FRMD4A: variants seen among roughly 807,000 people sequenced by gnomAD.
The protein encoded by FRMD4A is FERM domain containing 4A.
FRMD4A carries 29 observed loss-of-function variants against 129.1 expected under a neutral mutation model. The ratio of observed to expected loss-of-function variants is 0.22; its 90% confidence interval spans 0.17 to 0.31. The LOEUF is 0.31. Ranked by LOEUF, FRMD4A falls within the 10% of genes least tolerant of loss-of-function variation. The probability of loss-of-function intolerance (pLI) is 1.00; values close to 1 mark genes in which losing one functional copy is unlikely to be tolerated. For synonymous variants in FRMD4A, 634 were observed against 571.6 expected (o/e 1.11, Z -1.56); for missense variants, 1,272 against 1,375.8 (o/e 0.92, Z 1.19).
chr10:14,022,407 G>C (rs980914549), intron 2 of FRMD4A, among the ~76,000 whole-genome samples: 5 of 152,204 alleles, frequency 3.3e-5, no homozygotes, highest in African/African-American at 7.2e-5. Flanking sequence ...AATTATAAGA[G>C]ATAGGCTTAA....
At chr10:13,654,250 T>C in intron 23 of FRMD4A, 166 bp downstream of exon 23, 1 of 629,642 alleles carries the variant, frequency 1.6e-6, no homozygotes, top group South Asian at 1.9e-5. Context: ...GGAAAAGGAG[T>C]AGGCAGAGGT....
At chr10:13,718,312 C>G (rs984443091) in intron 12 of FRMD4A, among the ~76,000 whole-genome samples, 3 of 152,246 alleles carry the variant, frequency 2.0e-5, no homozygotes, top group African/African-American at 7.2e-5. Context: ...GGAGAAGGAA[C>G]GCTTGCGGTC....
Position 13,731,921 on chromosome 10 carries a change from C to G in FRMD4A, c.759+5923G>C, listed in dbSNP as rs184750312. Among the ~76,000 whole-genome samples the G allele has an allele frequency of 2.6e-3, 393 of 152,196 alleles. 1 individual carries two copies. The highest frequency in any genetic ancestry group is 4.1e-3 in the Non-Finnish European group (276 of 68,022). On this transcript the variant is annotated intron_variant, in intron 12 of 24. Transcript: ENST00000357447. ...AACTCTTCTGAACACGCACAAAAGC[C>G]AAAATCCAGTCTGCAGGGTGTCCCC... is the stretch of plus-strand genomic sequence containing the variant.
In FRMD4A at chr10:14,295,838, C is replaced by T. The variant is rs763136700; in HGVS notation, c.45+34220G>A. Among the ~76,000 whole-genome samples, 4 of 152,056 alleles carry T rather than the reference C, an allele frequency of 2.6e-5. No individual in the cohort carries two copies. In the South Asian group the frequency reaches 8.3e-4, roughly 32 times the overall value. On this transcript the variant is annotated intron_variant, in intron 2 of 24. Coordinates refer to ENST00000357447, the MANE Select transcript of FRMD4A (RefSeq NM_018027.5). ...ATGTACATAAATTCAACGTAATAAG[C>T]CTTCAAAATAGAACTGCTAGGTTAT...
At chr10:13,956,925 A>G (rs1280601975) in intron 2 of FRMD4A, among the ~76,000 whole-genome samples, 2 of 152,214 alleles carry the variant, frequency 1.3e-5, no homozygotes, top group African/African-American at 4.8e-5. Context: ...GAGATTCACA[A>G]TAAGTTCCAC....
At chr10:14,222,638 C>A (rs1843299136) in intron 2 of FRMD4A, among the ~76,000 whole-genome samples, 1 of 152,200 alleles carries the variant, frequency 6.6e-6, no homozygotes, top group Non-Finnish European at 1.5e-5. Flanking sequence ...CCCCGTCCCA[C>A]TCAAATTGTG....
chr10:14,295,662 A>T (rs76604599), intron 2 of FRMD4A, among the ~76,000 whole-genome samples: 2,593 of 152,212 alleles, frequency 0.017, 60 homozygotes, highest in African/African-American at 0.059. Context: ...GCGCTTACAA[A>T]ATCCAGCTGC....
rs564420616 is a variant in FRMD4A, at chr10:13,943,998, A to T, written c.46-85086T>A. Among the ~76,000 whole-genome samples the T allele has an allele frequency of 2.0e-5, 3 of 152,308 alleles. No homozygotes were observed. In the South Asian group the frequency reaches 6.2e-4, roughly 32 times the overall value. ...TAAGGGCACTCGATATGTTCCTACC[A>T]TTCAGAGACAACAGAATTAAAGAGT... On this transcript the variant is annotated intron_variant, in intron 2 of 24. Transcript: ENST00000357447.
chr10:14,150,611 T>A (rs1046767071), intron 2 of FRMD4A, among the ~76,000 whole-genome samples: 1 of 152,200 alleles, frequency 6.6e-6, no homozygotes, highest in African/African-American at 2.4e-5. Context: ...GAGTATTTTC[T>A]TTATTAATTA....
At chr10:13,755,926 C>T (rs1053077208) in intron 8 of FRMD4A, 4 of 152,168 alleles carry the variant, frequency 2.6e-5, no homozygotes, top group African/African-American at 9.7e-5. Context: ...ACACAGGGTC[C>T]CTTCCATCGC....
intron 22 of FRMD4A, among the ~76,000 whole-genome samples, chr10:13,656,244 C>T (rs990945932): frequency 1.3e-5 from 2 of 152,348 alleles, no homozygotes; most frequent in East Asian, 3.9e-4. Flanking sequence ...CCTTTGCAAG[C>T]TACAGCTGTG....
rs144281384 is a variant in FRMD4A, at chr10:13,895,622, C to T, written c.46-36710G>A. On this transcript the variant is annotated intron_variant, in intron 2 of 24. Transcript: ENST00000357447. ...ATTTGAAATACTAACAGAAATAGGT[C>T]GTGATGACTAAAACACCAAAAGCAA... is the stretch of plus-strand genomic sequence containing the variant. Among the ~76,000 whole-genome samples, 158 of 152,226 alleles carry T rather than the reference C, an allele frequency of 1.0e-3. 1 individual carries two copies. The East Asian group carries it at 0.019, about 19-fold the overall frequency.
chr10:13,710,061 T>G (rs1277408539), intron 12 of FRMD4A, among the ~76,000 whole-genome samples: 4 of 152,100 alleles, frequency 2.6e-5, no homozygotes, highest in Non-Finnish European at 2.9e-5. Context: ...CCCTGCTCAT[T>G]GTGGACTTGA....
In FRMD4A at chr10:13,657,399, G is replaced by A. The variant is rs2082258131; in HGVS notation, c.2190C>T (p.Phe730=). Residue 730 remains phenylalanine, a synonymous_variant, in exon 22 of 25, where the codon TTC becomes TTT. Coordinates refer to ENST00000357447, the MANE Select transcript of FRMD4A (RefSeq NM_018027.5). The part of the protein sequence containing the change: ...GSENDTGSPD[F]YTPRTRSSNG... ...TGCTGCTACGAGTCCGCGGGGTGTA[G>A]AAGTCGGGGCTCCCGGTGTCGTTTT... 6.2e-7 allele frequency: 1 copy of A among 1,612,982 alleles called. No individual in the cohort carries two copies.
intron 2 of FRMD4A, among the ~76,000 whole-genome samples, chr10:14,178,655 C>T (rs961374117): frequency 6.6e-6 from 1 of 152,114 alleles, no homozygotes; most frequent in African/African-American, 2.4e-5. Flanking sequence ...CCCTAACACC[C>T]TTGACATTGA....
At chr10:13,699,224 GTT>G (rs1168489802) in intron 14 of FRMD4A, among the ~76,000 whole-genome samples, 11 of 76,266 alleles carry the variant, frequency 1.4e-4, no homozygotes, top group South Asian at 6.0e-4. Flanking sequence ...CTTGGTTATT[GTT>G]TTTTTTTTTT....
chr10:14,127,909 T>G (rs78397521), intron 2 of FRMD4A, among the ~76,000 whole-genome samples: 9,754 of 20,326 alleles, frequency 0.48, 436 homozygotes, highest in African/African-American at 0.51. Context: ...TATTTTGCTT[T>G]CTTTCTTTCT....
intron 2 of FRMD4A, among the ~76,000 whole-genome samples, chr10:14,301,671 A>G (rs1482605055): frequency 6.6e-6 from 1 of 152,182 alleles, no homozygotes; most frequent in Non-Finnish European, 1.5e-5. Context: ...AACTCTATTC[A>G]TAAAACTATA....
rs188505421 is a variant in FRMD4A, at chr10:14,287,169, G to A, written c.45+42889C>T. ...CTCCGTGATGCATTCATGCTCTCAG[G>A]TGGTCATCAGGCATGGACCTGCTGA... On this transcript the variant is annotated intron_variant, in intron 2 of 24. Transcript: ENST00000357447. 4.5e-4 allele frequency among the ~76,000 whole-genome samples: 68 copies of A among 152,114 alleles called. No individual in the cohort carries two copies. The East Asian group carries it at 0.012, about 26-fold the overall frequency.
Sources: allele counts gnomAD v4.1 joint callset (sites outside exome capture counted in the v4.1 genomes callset), GRCh38; gene constraint gnomAD v4.1.1; transcripts MANE v1.5; gene names NCBI Gene and HGNC (gene_info 2026-07-23, HGNC 2026-07-21).